DCDC1: variants seen among roughly 807,000 people sequenced by gnomAD.
The protein encoded by DCDC1 is doublecortin domain containing 1.
DCDC1 carries 200 observed loss-of-function variants against 178.3 expected under a neutral mutation model. The ratio of observed to expected loss-of-function variants is 1.12; its 90% CI spans 1.00 to 1.26. DCDC1 has a LOEUF of 1.26. Ranked by LOEUF, DCDC1 falls within the 50% of genes most tolerant of loss-of-function variation. The probability of loss-of-function intolerance (pLI) is 0.00; values close to 1 mark genes in which losing one functional copy is unlikely to be tolerated. For missense variants in DCDC1, 1,983 were observed against 1,749.2 expected, an observed-to-expected ratio of 1.13 and a Z score of -2.38; for synonymous variants, 690 against 604.8, an observed-to-expected ratio of 1.14 and a Z score of -2.07.
intron 9 of DCDC1, among the ~76,000 whole-genome samples, chr11:31,229,858 T>C (rs1003787303): frequency 6.6e-5 from 10 of 152,146 alleles, no homozygotes; most frequent in Admixed American, 5.9e-4. Flanking sequence ...AAAGTAGAGA[T>C]GGATGAAAAT....
intron 20 of DCDC1, among the ~76,000 whole-genome samples, chr11:31,010,408 C>T (rs746470013): frequency 2.6e-5 from 4 of 152,188 alleles, no homozygotes; most frequent in Non-Finnish European, 5.9e-5. Flanking sequence ...TGCAGTTGCC[C>T]GCTATATGAC....
chr11:31,211,589 T>G (rs763730247), intron 9 of DCDC1, among the ~76,000 whole-genome samples: 1 of 152,194 alleles, frequency 6.6e-6, no homozygotes, highest in Non-Finnish European at 1.5e-5. Flanking sequence ...ACTTTGTTCT[T>G]TAATCGGAAA....
intron 9 of DCDC1, among the ~76,000 whole-genome samples, chr11:31,151,081 A>G (rs1192242970): frequency 6.6e-6 from 1 of 152,240 alleles, no homozygotes; most frequent in African/African-American, 2.4e-5. Flanking sequence ...GATACACTGT[A>G]TCATTCAGCT....
chr11:30,887,162 A>G (rs1486444274), intron 36 of DCDC1, among the ~76,000 whole-genome samples: 1 of 152,192 alleles, frequency 6.6e-6, no homozygotes, highest in African/African-American at 2.4e-5. Flanking sequence ...AGATAATGAC[A>G]TATCATGCAT....
At chr11:31,329,172 G>C (rs948411084) in intron 2 of DCDC1, among the ~76,000 whole-genome samples, 7 of 151,886 alleles carry the variant, frequency 4.6e-5, no homozygotes, top group Non-Finnish European at 1.0e-4. Flanking sequence ...TATTCTCCTG[G>C]ATTGCTAGCT....
At chr11:31,321,353 C>G (rs1289939062) in intron 3 of DCDC1, among the ~76,000 whole-genome samples, 1 of 130,554 alleles carries the variant, frequency 7.7e-6, no homozygotes, top group African/African-American at 2.9e-5. Flanking sequence ...GATATAGTCT[C>G]GTGGTGCGCC....
At chr11:31,251,793 G>A (rs1340021065) in intron 8 of DCDC1, among the ~76,000 whole-genome samples, 3 of 152,148 alleles carry the variant, frequency 2.0e-5, no homozygotes, top group Non-Finnish European at 4.4e-5. Context: ...AGCCTGCCAA[G>A]AGGATAGGGT....
At chr11:31,015,148 C>T (rs1006188639) in intron 20 of DCDC1, among the ~76,000 whole-genome samples, 2 of 151,950 alleles carry the variant, frequency 1.3e-5, no homozygotes, top group Non-Finnish European at 2.9e-5. Flanking sequence ...GGGGGTTTCA[C>T]CGGTTTAGCC....
intron 9 of DCDC1, among the ~76,000 whole-genome samples, chr11:31,205,874 A>T (rs1432227783): frequency 6.6e-6 from 1 of 152,204 alleles, no homozygotes; most frequent in Non-Finnish European, 1.5e-5. Context: ...CTGAATTTCA[A>T]ATTTAACCGG....
intron 17 of DCDC1, among the ~76,000 whole-genome samples, chr11:31,089,919 C>A (rs1188998183): frequency 6.6e-6 from 1 of 152,088 alleles, no homozygotes; most frequent in Non-Finnish European, 1.5e-5. Flanking sequence ...GGGTCAGTTA[C>A]AATTGATTGA....
intron 38 of DCDC1, among the ~76,000 whole-genome samples, chr11:30,877,723 A>C (rs1053338461): frequency 1.3e-5 from 2 of 152,154 alleles, no homozygotes; most frequent in Non-Finnish European, 2.9e-5. Flanking sequence ...GAAATTGAAG[A>C]AGAAAGCATT....
At chr11:31,355,451 AT>A (rs1951291996) in intron 1 of DCDC1, among the ~76,000 whole-genome samples, 1 of 152,204 alleles carries the variant, frequency 6.6e-6, no homozygotes, top group Admixed American at 6.5e-5. Flanking sequence ...TCATTATGTA[AT>A]TGACATACCT....
intron 17 of DCDC1, among the ~76,000 whole-genome samples, chr11:31,084,162 T>G (rs1590985965): frequency 6.6e-6 from 1 of 152,266 alleles, no homozygotes; most frequent in East Asian, 1.9e-4. Flanking sequence ...TGAGACATAA[T>G]TGAACTAATG....
intron 8 of DCDC1, among the ~76,000 whole-genome samples, chr11:31,264,701 G>C (rs879620988): frequency 1.3e-5 from 2 of 152,182 alleles, no homozygotes; most frequent in Non-Finnish European, 2.9e-5. Context: ...GTTGATAAAT[G>C]CAAGAACCTA....
At chr11:30,986,337 T>TTA (rs1950644239) in intron 20 of DCDC1, among the ~76,000 whole-genome samples, 2 of 136,308 alleles carry the variant, frequency 1.5e-5, no homozygotes, top group African/African-American at 5.4e-5. Context: ...TCTCTCTCTC[T>TTA]TTTTTTTTTT....
In DCDC1 at chr11:30,916,966, C is replaced by T. The variant is rs776942428; in HGVS notation, c.3356G>A (p.Trp1119Ter). ...KACHTLPRYAWQETSHDFDED... is the reference protein window; with the variant it reads ...KACHTLPRYA ...ATCAAAGTCATGTGAAGTTTCCTGC[C>T]AGGCATACCTGGGAAGTGTGTGACA... The change falls in exon 26 of 39, where the codon TGG becomes TAG. Residue 1119 changes from tryptophan (W) to a stop codon, truncating the protein, a stop_gained. Transcript: ENST00000684477. LOFTEE classifies it high-confidence loss of function. 1.2e-6 allele frequency: 2 copies of T among 1,611,064 alleles called. No homozygotes were observed. The highest frequency in any genetic ancestry group is 1.7e-6 in the Non-Finnish European group (2 of 1,178,688).
chr11:31,344,480 C>T (rs2133243352), intron 1 of DCDC1, among the ~76,000 whole-genome samples: 1 of 152,330 alleles, frequency 6.6e-6, no homozygotes, highest in African/African-American at 2.4e-5. Flanking sequence ...GGGTTTGCCT[C>T]CCTGCTGCCC....
In DCDC1 at chr11:31,367,329, C is replaced by T. The variant is rs914056305; in HGVS notation, c.-125+2368G>A. Among the ~76,000 whole-genome samples the T allele has an allele frequency of 4.6e-5, 7 of 152,238 alleles. No individual in the cohort carries two copies. The East Asian group carries it at 1.4e-3, about 29-fold the overall frequency. On this transcript the variant is annotated intron_variant, in intron 1 of 38. Transcript: ENST00000684477. ...AGCAAACAAAAAGATAAAACAAATG[C>T]AAGTTTCAAGCTTTCAGAAAAGAAG...
chr11:31,096,433 G>C (rs889748781), intron 15 of DCDC1, among the ~76,000 whole-genome samples: 3 of 152,148 alleles, frequency 2.0e-5, no homozygotes, highest in African/African-American at 7.2e-5. Flanking sequence ...AAATTAGTCA[G>C]ACAGAAGAAC....
Sources: gnomAD v4.1 joint callset for allele counts (sites outside exome capture counted in the v4.1 genomes callset) on GRCh38, gnomAD v4.1.1 for gene constraint, MANE v1.5 for transcripts, NCBI Gene and HGNC (gene_info 2026-07-23, HGNC 2026-07-21) for gene names.